The following TENM3 variants were observed in gnomAD, a reference collection of about 807,000 sequenced individuals.
The protein encoded by TENM3 is teneurin transmembrane protein 3.
A neutral mutation model predicts 255.1 loss-of-function variants in TENM3; 63 were observed. The ratio of observed to expected loss-of-function variants is 0.25; its 90% CI spans 0.20 to 0.30. The LOEUF (loss-of-function observed/expected upper bound fraction) is 0.30. TENM3 is among the 10% of genes least tolerant of loss of function. The pLI is 1.00. For synonymous variants in TENM3, 1,306 were observed against 1,322.3 expected, an observed-to-expected ratio of 0.99 and a Z score of 0.27; for missense variants, 2,929 against 3,461.1, an observed-to-expected ratio of 0.85 and a Z score of 3.86.
intron 1 of TENM3, among the ~76,000 whole-genome samples, chr4:182,258,137 T>C (rs1758544825): frequency 6.6e-6 from 1 of 152,156 alleles, no homozygotes; most frequent in African/African-American, 2.4e-5. Flanking sequence ...ATCATGTATA[T>C]AGCATATACT....
At chr4:181,461,213 A>T in the TENM3 span, among the ~76,000 whole-genome samples, 2,579 of 152,030 alleles carry the variant, frequency 0.017, 29 homozygotes, top group Non-Finnish European at 0.023. Context: ...TTTGTCATCC[A>T]GCTTTCATAG....
the TENM3 span, among the ~76,000 whole-genome samples, chr4:181,468,348 G>A: frequency 0.016 from 2,418 of 152,224 alleles, 60 homozygotes; most frequent in African/African-American, 0.051. Context: ...TAGCCCACTG[G>A]TTTTATTCCC....
At chr4:181,454,612 CA>C in the TENM3 span, among the ~76,000 whole-genome samples, 2 of 107,090 alleles carry the variant, frequency 1.9e-5, no homozygotes, top group Admixed American at 1.9e-4. Context: ...TTTTTTTAAC[CA>C]TTTGTATATC....
chr4:182,536,207 C>G (rs1740295847), intron 3 of TENM3, among the ~76,000 whole-genome samples: 1 of 152,208 alleles, frequency 6.6e-6, no homozygotes, highest in South Asian at 2.1e-4. Context: ...AAGTTTGTAA[C>G]TTGCAATTAT....
chr4:181,510,188 T>C, the TENM3 span, among the ~76,000 whole-genome samples: 3 of 152,198 alleles, frequency 2.0e-5, no homozygotes, highest in Admixed American at 1.3e-4. Context: ...TAGACCATAT[T>C]TATTGGCAGT....
At chr4:182,735,713 C>G (rs1397236300) in intron 16 of TENM3, among the ~76,000 whole-genome samples, 2 of 152,160 alleles carry the variant, frequency 1.3e-5, no homozygotes, top group Non-Finnish European at 2.9e-5. Flanking sequence ...GCACTTACAG[C>G]CTATGTAGAA....
chr4:182,245,445 T>G (rs1056018394), intron 1 of TENM3, among the ~76,000 whole-genome samples: 12 of 152,230 alleles, frequency 7.9e-5, no homozygotes, highest in Admixed American at 7.9e-4. Flanking sequence ...GAAATTCCAA[T>G]TGAGATTGCA....
At chr4:182,059,354 A>G in the TENM3 span, among the ~76,000 whole-genome samples, 1 of 152,272 alleles carries the variant, frequency 6.6e-6, no homozygotes, top group South Asian at 2.1e-4. Flanking sequence ...CACCTAAAGG[A>G]AATCAGTGTC....
intron 3 of TENM3, among the ~76,000 whole-genome samples, chr4:182,580,545 T>G (rs73006917): frequency 0.015 from 2,258 of 152,164 alleles, 48 homozygotes; most frequent in African/African-American, 0.051. Context: ...TCACTGTGAG[T>G]GTAACTTCCC....
the TENM3 span, among the ~76,000 whole-genome samples, chr4:182,113,461 T>C: frequency 4.7e-4 from 71 of 152,320 alleles, no homozygotes; most frequent in African/African-American, 1.7e-3. Context: ...GTTCCTTCTA[T>C]CCTTCCTCTC....
chr4:182,027,426 T>C, the TENM3 span, among the ~76,000 whole-genome samples: 6 of 152,154 alleles, frequency 3.9e-5, no homozygotes, highest in Admixed American at 3.9e-4. Context: ...CAAACAAGGA[T>C]AATTTGACTT....
the TENM3 span, among the ~76,000 whole-genome samples, chr4:181,655,014 A>C: frequency 6.6e-6 from 1 of 152,202 alleles, no homozygotes; most frequent in South Asian, 2.1e-4. Flanking sequence ...AGGCATTTGC[A>C]ATCAAGCTGT....
chr4:182,138,866 G>C, the TENM3 span, among the ~76,000 whole-genome samples: 1 of 152,168 alleles, frequency 6.6e-6, no homozygotes, highest in South Asian at 2.1e-4. Context: ...AAAGTGGTTC[G>C]TTGTAATGAC....
chr4:181,545,297 G>A, the TENM3 span, among the ~76,000 whole-genome samples: 1 of 152,110 alleles, frequency 6.6e-6, no homozygotes, highest in Non-Finnish European at 1.5e-5. Flanking sequence ...ATAACAAACA[G>A]TGCCTCTGCC....
At chr4:181,787,339 T>C in the TENM3 span, among the ~76,000 whole-genome samples, 7 of 138,120 alleles carry the variant, frequency 5.1e-5, no homozygotes, top group East Asian at 1.6e-3. Context: ...GCTACATCCA[T>C]CTTTTTTTTT....
At chr4:181,517,109 A>G in the TENM3 span, among the ~76,000 whole-genome samples, 1 of 151,876 alleles carries the variant, frequency 6.6e-6, no homozygotes, top group Non-Finnish European at 1.5e-5. Context: ...AGTGACAATT[A>G]TATCCTTAAT....
chr4:181,883,746 G>T, the TENM3 span, among the ~76,000 whole-genome samples: 1 of 152,072 alleles, frequency 6.6e-6, no homozygotes, highest in African/African-American at 2.4e-5. Context: ...CAAAGTGCTG[G>T]GATTACAGGC....
rs1561278909 is a variant in TENM3 at position 182,802,571 on chromosome 4, C to G, written c.*2220C>G. The G allele has an allele frequency of 6.6e-6, 1 of 152,606 alleles. No individual in the cohort carries two copies. The highest frequency in any genetic ancestry group is 1.5e-5 in the Non-Finnish European group (1 of 68,042). The allele number at this position is 152,606 out of a possible 1,614,324, so 9.5% of individuals were successfully genotyped here. A position where few individuals can be genotyped will look rare whatever the true frequency, so the allele number is the denominator to read the frequency against. On this transcript the variant is annotated 3_prime_UTR_variant, in exon 28 of 28. Transcript: ENST00000511685. ...GATCATAGTCTTAACCTCTTCTTGA[C>G]GTGGACTGGTCTTCACTCGGGCACC...
At chr4:182,005,184 G>C in the TENM3 span, among the ~76,000 whole-genome samples, 2 of 152,126 alleles carry the variant, frequency 1.3e-5, no homozygotes, top group African/African-American at 4.8e-5. Flanking sequence ...TTTTCTTCTA[G>C]GATATTTATG....
Sources: gnomAD v4.1 joint callset for allele counts (sites outside exome capture counted in the v4.1 genomes callset) on GRCh38, gnomAD v4.1.1 for gene constraint, MANE v1.5 for transcripts, NCBI Gene and HGNC (gene_info 2026-07-23, HGNC 2026-07-21) for gene names.